SPATA16: variants seen among roughly 807,000 people sequenced by gnomAD.
SPATA16 encodes spermatogenesis associated 16, also known as spermatogenesis-associated protein 16.
SPATA16 carries 36 observed loss-of-function variants against 63.3 expected under a neutral mutation model. The ratio of observed to expected loss-of-function variants is 0.57; its 90% CI spans 0.44 to 0.75. SPATA16 has a LOEUF of 0.75. Ranked by LOEUF, SPATA16 falls within the 30% of genes least tolerant of loss-of-function variation. The pLI is 0.00. For synonymous variants in SPATA16, 203 were observed against 216.7 expected, an observed-to-expected ratio of 0.94 and a Z score of 0.56; for missense variants, 646 against 679.3, an observed-to-expected ratio of 0.95 and a Z score of 0.54.
intron 2 of SPATA16, among the ~76,000 whole-genome samples, chr3:173,103,879 A>G (rs1404611792): frequency 6.6e-6 from 1 of 152,092 alleles, no homozygotes; most frequent in Non-Finnish European, 1.5e-5. Flanking sequence ...CAAATTTTTC[A>G]CTTTTATACT....
intron 6 of SPATA16, among the ~76,000 whole-genome samples, chr3:172,946,661 A>C (rs1013068174): frequency 1.3e-5 from 2 of 152,192 alleles, no homozygotes; most frequent in Admixed American, 1.3e-4. Flanking sequence ...CTTGGGTGCC[A>C]GCTCAGCCAC....
At chr3:173,009,686 C>T (rs1234887696) in intron 4 of SPATA16, among the ~76,000 whole-genome samples, 5 of 152,268 alleles carry the variant, frequency 3.3e-5, no homozygotes, top group African/African-American at 1.2e-4. Context: ...CAAGTCCCAC[C>T]GGCTTGGGCC....
intron 6 of SPATA16, among the ~76,000 whole-genome samples, chr3:172,943,228 A>G (rs992389450): frequency 5.3e-5 from 8 of 152,242 alleles, no homozygotes; most frequent in Admixed American, 3.9e-4. Flanking sequence ...ACAATGTCAA[A>G]ACATCTGGCA....
At chr3:173,030,259 A>G (rs1458313109) in intron 3 of SPATA16, among the ~76,000 whole-genome samples, 1 of 152,132 alleles carries the variant, frequency 6.6e-6, no homozygotes. Context: ...ACTTCTGTTC[A>G]TCAAAGGACA....
chr3:173,034,877 A>C (rs886161476), intron 3 of SPATA16, among the ~76,000 whole-genome samples: 1 of 152,124 alleles, frequency 6.6e-6, no homozygotes, highest in Admixed American at 6.6e-5. Context: ...ATTATAAATG[A>C]ATGTATTAAT....
intron 4 of SPATA16, among the ~76,000 whole-genome samples, chr3:172,999,591 T>G (rs1340009241): frequency 6.6e-6 from 1 of 152,148 alleles, no homozygotes; most frequent in Non-Finnish European, 1.5e-5. Flanking sequence ...TTTTTGTATT[T>G]TTAGTAGAGA....
chr3:172,977,157 T>C (rs908178635), intron 4 of SPATA16, 105 bp from the exon 5 acceptor site: 1 of 916,284 alleles, frequency 1.1e-6, no homozygotes, highest in South Asian at 1.4e-5. Flanking sequence ...TGATTTTTAA[T>C]GTATAAATTT....
chr3:172,936,579 C>CCCGAGTTTTGTA (rs1732999770), intron 6 of SPATA16, among the ~76,000 whole-genome samples: 1 of 152,048 alleles, frequency 6.6e-6, no homozygotes, highest in South Asian at 2.1e-4. Flanking sequence ...AATGGTAAGT[C>CCCGAGTTTTGTA]CCGAGTTTTG....
At chr3:172,927,582 A>C (rs1362749503) in intron 6 of SPATA16, among the ~76,000 whole-genome samples, 3 of 152,132 alleles carry the variant, frequency 2.0e-5, no homozygotes, top group African/African-American at 7.2e-5. Context: ...AGTGGGAAGC[A>C]GGGCATATTA....
At chr3:173,087,995 G>A (rs1190496372) in intron 2 of SPATA16, among the ~76,000 whole-genome samples, 1 of 144,156 alleles carries the variant, frequency 6.9e-6, no homozygotes, top group Non-Finnish European at 1.5e-5. Context: ...CTGATGATTA[G>A]CATTTTCTTT....
chr3:173,064,320 CAAA>C (rs59773490), intron 2 of SPATA16, among the ~76,000 whole-genome samples: 15 of 57,656 alleles, frequency 2.6e-4, no homozygotes, highest in Admixed American at 4.3e-4. Flanking sequence ...ACACGCACAC[CAAA>C]AAAAAAAAAA....
Position 172,977,051 on chromosome 3 carries a change from T to C in SPATA16, c.850A>G (p.Ser284Gly), listed in dbSNP as rs919474086. The C allele has an allele frequency of 2.5e-6, 4 of 1,608,810 alleles. No individual in the cohort carries two copies. In the East Asian group the frequency reaches 8.9e-5, roughly 36 times the overall value. Reference protein sequence around the residue: ...CLERYSEAARSAMIADYMFWL... With the variant: ...CLERYSEAARGAMIADYMFWL... ...AACATGTAGTCAGCAATCATGGCAC[T>C]CCTAAGAACAAGGACAGATTAAAAA... Residue 284 changes from serine (S) to glycine (G), a missense_variant and splice_region_variant, in exon 5 of 11, where the codon AGT becomes GGT. Coordinates refer to ENST00000351008, the MANE Select transcript of SPATA16 (RefSeq NM_031955.6).
At chr3:172,901,217 G>T (rs75064556) in intron 10 of SPATA16, among the ~76,000 whole-genome samples, 9,351 of 150,904 alleles carry the variant, frequency 0.062, 361 homozygotes, top group South Asian at 0.12. Context: ...TTCTTTTTTT[G>T]AGACAAGAGT....
intron 3 of SPATA16, among the ~76,000 whole-genome samples, chr3:173,043,133 TTCAA>T (rs1184509403): frequency 6.6e-6 from 1 of 152,134 alleles, no homozygotes; most frequent in Non-Finnish European, 1.5e-5. Flanking sequence ...AACTGGAATT[TTCAA>T]TCAATGTACA....
At chr3:173,044,844 T>C (rs544813) in intron 3 of SPATA16, among the ~76,000 whole-genome samples, 24,275 of 152,070 alleles carry the variant, frequency 0.16, 2,029 homozygotes, top group African/African-American at 0.18. Context: ...CTTAGTTGTA[T>C]TTTTTGTTAA....
intron 4 of SPATA16, among the ~76,000 whole-genome samples, chr3:173,001,154 G>A (rs555080366): frequency 6.6e-5 from 10 of 152,166 alleles, no homozygotes; most frequent in African/African-American, 1.4e-4. Flanking sequence ...TAAAGACTAC[G>A]ACGAGTAATG....
At position 173,140,412 on chromosome 3, in the gene SPATA16, G is replaced by A. The variant is rs371769882; in HGVS notation, c.-19+691C>T. On this transcript the variant is annotated intron_variant, in intron 1 of 10. Transcript: ENST00000351008. The stretch of plus-strand genomic sequence containing the variant: ...CTGGAACCTATTTTTAATTGCTCAC[G>A]CTGAACAACCTTTGAACAGCAAGGT... 1.1e-4 allele frequency among the ~76,000 whole-genome samples: 16 copies of A among 152,198 alleles called. No homozygotes were observed. In the South Asian group the frequency reaches 1.5e-3, roughly 14 times the overall value.
At chr3:173,086,169 CT>C (rs1039143116) in intron 2 of SPATA16, among the ~76,000 whole-genome samples, 12 of 151,894 alleles carry the variant, frequency 7.9e-5, no homozygotes, top group Non-Finnish European at 1.6e-4. Flanking sequence ...TTGTCCTGGG[CT>C]TTTTTTGCTT....
intron 10 of SPATA16, among the ~76,000 whole-genome samples, chr3:172,904,576 G>A (rs1406496769): frequency 6.6e-6 from 1 of 152,216 alleles, no homozygotes; most frequent in African/African-American, 2.4e-5. Flanking sequence ...CTTAAAAGAG[G>A]TGTTTCCAGT....
Sources: gnomAD v4.1 joint callset for allele counts (sites outside exome capture counted in the v4.1 genomes callset) on GRCh38, gnomAD v4.1.1 for gene constraint, MANE v1.5 for transcripts, NCBI Gene and HGNC (gene_info 2026-07-23, HGNC 2026-07-21) for gene names.